The following SLC35F4 variants were observed in gnomAD, a reference collection of about 807,000 sequenced individuals.
SLC35F4 encodes the protein chromosome 14 open reading frame 36.
A neutral mutation model predicts 44.2 loss-of-function variants in SLC35F4; 24 were observed. The observed-to-expected ratio is 0.54, with a 90% confidence interval of 0.39 to 0.76. The LOEUF is 0.76. SLC35F4 is among the 30% of genes least tolerant of loss of function. The probability of loss-of-function intolerance (pLI) is 0.00; values close to 1 mark genes in which losing one functional copy is unlikely to be tolerated. For missense variants in SLC35F4, 562 were observed against 586.1 expected, an observed-to-expected ratio of 0.96 and a Z score of 0.42; for synonymous variants, 238 against 223.6, an observed-to-expected ratio of 1.06 and a Z score of -0.57.
intron 1 of SLC35F4, among the ~76,000 whole-genome samples, chr14:57,756,460 A>G (rs61710742): frequency 0.019 from 2,939 of 152,116 alleles, 92 homozygotes; most frequent in African/African-American, 0.062. Context: ...TATGACTTAA[A>G]TCTTTTAACA....
rs139397949 is a variant in SLC35F4 at position 57,877,674 on chromosome 14, C to CTTTTTTTT, written n.282+104231_282+104238dup. Among the ~76,000 whole-genome samples the CTTTTTTTT allele has an allele frequency of 1.6e-3, 86 of 52,422 alleles. 5 individuals carry two copies. Among genetic ancestry groups the CTTTTTTTT allele is most frequent in the East Asian group, 8.1e-3 (8 of 986 alleles). The allele number at this position is 52,422 out of a possible 152,430, so 34.4% of individuals were successfully genotyped here. On this transcript the variant is annotated intron_variant and non_coding_transcript_variant, in intron 1 of 1. Transcript: ENST00000556568. Reference sequence around the variant, plus strand: ...CTTGCCAGCATCTGTTATTTTTTGACTTTTTTTTTTTTTTTTTTTTTTTTT... The same window carrying CTTTTTTTT: ...CTTGCCAGCATCTGTTATTTTTTGACTTTTTTTTTTTTTTTTTTTTTTTTTTTTTTTTT...
At chr14:57,861,162 T>G (rs987312961) in intron 1 of SLC35F4, among the ~76,000 whole-genome samples, 1 of 152,182 alleles carries the variant, frequency 6.6e-6, no homozygotes. Flanking sequence ...TCATACCTTC[T>G]CTATCCTCCA....
rs149246985 is a variant in SLC35F4 at position 57,679,436 on chromosome 14, T to C, written c.104-85312A>G. On this transcript the variant is annotated intron_variant, in intron 1 of 7. Transcript: ENST00000556826. The stretch of plus-strand genomic sequence containing the variant: ...AGGAGAAAGGAGGAAATATCTAAAA[T>C]TGACACCCTAATACCACAATTAAAA... Among the ~76,000 whole-genome samples, 312 of 152,050 alleles carry C rather than the reference T, an allele frequency of 2.1e-3. 5 individuals are homozygous for C. The highest frequency in any genetic ancestry group is 7.2e-3 in the African/African-American group (299 of 41,418).
chr14:57,628,041 A>C (rs1424663785), intron 1 of SLC35F4, among the ~76,000 whole-genome samples: 1 of 152,032 alleles, frequency 6.6e-6, no homozygotes, highest in East Asian at 1.9e-4. Context: ...TTTATTTCCT[A>C]AAATGCTTGA....
At chr14:57,948,770 C>T (rs1333863446) in intron 1 of SLC35F4, among the ~76,000 whole-genome samples, 1 of 152,062 alleles carries the variant, frequency 6.6e-6, no homozygotes, top group East Asian at 1.9e-4. Context: ...GTTTTAATTT[C>T]CATGTTGATT....
chr14:57,668,711 C>T (rs556888850), intron 1 of SLC35F4, among the ~76,000 whole-genome samples: 272 of 152,210 alleles, frequency 1.8e-3, no homozygotes, highest in Non-Finnish European at 3.1e-3. Context: ...AGTACCAGTA[C>T]CATGCTGTTT....
intron 1 of SLC35F4, among the ~76,000 whole-genome samples, chr14:57,635,286 C>A (rs919871032): frequency 6.7e-6 from 1 of 149,610 alleles, no homozygotes; most frequent in East Asian, 2.0e-4. Flanking sequence ...GCTTTTGCAA[C>A]TGGGTGGATG....
chr14:57,911,478 AG>A (rs1265734476), intron 1 of SLC35F4, among the ~76,000 whole-genome samples: 2 of 151,888 alleles, frequency 1.3e-5, no homozygotes, highest in Non-Finnish European at 2.9e-5. Flanking sequence ...TACTTTGCTG[AG>A]AGTGTTTATC....
chr14:57,631,489 T>C (rs145114989), intron 1 of SLC35F4, among the ~76,000 whole-genome samples: 180 of 152,232 alleles, frequency 1.2e-3, no homozygotes, highest in African/African-American at 4.1e-3. Flanking sequence ...TGTGCGTGCA[T>C]AGTGTAAAAG....
intron 1 of SLC35F4, among the ~76,000 whole-genome samples, chr14:57,784,785 C>CT (rs1320994977): frequency 6.6e-6 from 1 of 152,094 alleles, no homozygotes; most frequent in East Asian, 1.9e-4. Flanking sequence ...ACTCTCTTGC[C>CT]TCCCCTTCCA....
At chr14:57,744,592 G>A (rs2076705814) in intron 1 of SLC35F4, among the ~76,000 whole-genome samples, 2 of 152,072 alleles carry the variant, frequency 1.3e-5, no homozygotes, top group African/African-American at 2.4e-5. Context: ...CAAACAAATG[G>A]AAGAAAATTC....
chr14:57,581,899 T>C (rs1473053606), intron 3 of SLC35F4, among the ~76,000 whole-genome samples: 1 of 152,226 alleles, frequency 6.6e-6, no homozygotes. Context: ...TGGATTTTAT[T>C]TCTAAGACAC....
intron 1 of SLC35F4, among the ~76,000 whole-genome samples, chr14:57,852,495 G>A (rs1035541122): frequency 6.6e-6 from 1 of 152,220 alleles, no homozygotes; most frequent in African/African-American, 2.4e-5. Context: ...GCATGATCCA[G>A]TGAATGCTTC....
At chr14:57,630,805 T>G (rs1008915726) in intron 1 of SLC35F4, 2 of 598,562 alleles carry the variant, frequency 3.3e-6, no homozygotes, top group Admixed American at 4.2e-5. Context: ...CTTGTTAGTT[T>G]TCCCTGTACC....
intron 1 of SLC35F4, among the ~76,000 whole-genome samples, chr14:57,865,061 C>A (rs960988381): frequency 3.6e-5 from 4 of 110,246 alleles, no homozygotes; most frequent in Non-Finnish European, 7.0e-5. Context: ...TTCTCAGACC[C>A]CCCCCCCCCA....
intron 1 of SLC35F4, among the ~76,000 whole-genome samples, chr14:57,609,193 G>A (rs2071346419): frequency 6.6e-6 from 1 of 152,146 alleles, no homozygotes. Context: ...AGAAAAGATG[G>A]CATATGGCAG....
chr14:57,650,142 G>A (rs1309963113), intron 1 of SLC35F4, among the ~76,000 whole-genome samples: 1 of 151,864 alleles, frequency 6.6e-6, no homozygotes, highest in African/African-American at 2.4e-5. Context: ...TCTGGTCCAG[G>A]GTCCCTTCTC....
chr14:57,657,261 C>T (rs7148773), intron 1 of SLC35F4, among the ~76,000 whole-genome samples: 96,070 of 152,136 alleles, frequency 0.63, 30,697 homozygotes, highest in African/African-American at 0.72. Context: ...TATGGTTTTT[C>T]AGTCCTTTTT....
chr14:57,802,523 G>A (rs948772031), intron 1 of SLC35F4, among the ~76,000 whole-genome samples: 3 of 149,150 alleles, frequency 2.0e-5, no homozygotes, highest in African/African-American at 7.5e-5. Context: ...AAAAATCAAT[G>A]AATCCAGGAT....
Sources: gnomAD v4.1 joint callset for allele counts (sites outside exome capture counted in the v4.1 genomes callset) on GRCh38, gnomAD v4.1.1 for gene constraint, MANE v1.5 for transcripts, NCBI Gene and HGNC (gene_info 2026-07-23, HGNC 2026-07-21) for gene names.